CD247: variants seen among roughly 807,000 people sequenced by gnomAD.
CD247 encodes the protein T-cell surface glycoprotein CD3 zeta chain.
In CD247, 13 loss-of-function variants were observed where a neutral mutation model predicts 30.0. The ratio of observed to expected loss-of-function variants is 0.43; its 90% CI spans 0.28 to 0.69. The LOEUF (loss-of-function observed/expected upper bound fraction) is 0.69. Among genes scored for constraint, CD247 ranks in the 30% least tolerant of loss-of-function variants. CD247 has a pLI of 0.16. For missense variants in CD247, 193 were observed against 212.6 expected (o/e 0.91, Z 0.57); for synonymous variants, 72 against 80.0 (o/e 0.90, Z 0.53).
intron 1 of CD247, chr1:167,458,689 C>CTTTTTTTTTTTTTTTTT (rs3070395): frequency 1.4e-4 from 13 of 95,428 alleles, no homozygotes; most frequent in East Asian, 2.7e-4. Flanking sequence ...TTCTTTCTTT[C>CTTTTTTTTTTTTTTTTT]TTTTTTTTTT....
intron 2 of CD247, 40 bp downstream of exon 2, chr1:167,440,624 G>T: frequency 7.2e-7 from 1 of 1,380,714 alleles, no homozygotes; most frequent in South Asian, 1.2e-5. Context: ...CATCAAGTGG[G>T]GGACCCCGTG....
At chr1:167,452,554 C>T (rs1243255341) in intron 1 of CD247, among the ~76,000 whole-genome samples, 1 of 152,144 alleles carries the variant, frequency 6.6e-6, no homozygotes, top group Admixed American at 6.5e-5. Flanking sequence ...TGGTGGCCAT[C>T]CTTACTAGGA....
intron 1 of CD247, among the ~76,000 whole-genome samples, chr1:167,515,131 AGGCGATTGGAG>A (rs896428067): frequency 5.3e-5 from 8 of 152,242 alleles, no homozygotes; most frequent in African/African-American, 1.9e-4. Context: ...GAGCAGAGCT[AGGCGATTGGAG>A]GGCGAAACAA....
chr1:167,518,223 G>A (rs1379212946), intron 1 of CD247, among the ~76,000 whole-genome samples, 185 bp downstream of exon 1: 2 of 152,026 alleles, frequency 1.3e-5, no homozygotes, highest in African/African-American at 4.8e-5. Context: ...TGCCCAACTC[G>A]GCTGTGACGG....
rs147842663 is a variant in CD247, at chr1:167,446,549, A to T, written c.59-5782T>A. Among the ~76,000 whole-genome samples, 773 of 152,298 alleles carry T rather than the reference A, an allele frequency of 5.1e-3. 6 individuals are homozygous for T. Among genetic ancestry groups the T allele is most frequent in the African/African-American group, 0.017 (720 of 41,564 alleles). ...TGTGGGGTGCCCTGCACAGTGGCGC[A>T]TGCTAAGAGGCTCTGCAGGTACAAG... On this transcript the variant is annotated intron_variant, in intron 1 of 7. Transcript: ENST00000362089.
At chr1:167,466,444 A>G (rs993928653) in intron 1 of CD247, among the ~76,000 whole-genome samples, 4 of 151,968 alleles carry the variant, frequency 2.6e-5, no homozygotes, top group Non-Finnish European at 5.9e-5. Flanking sequence ...ATTTAGAACT[A>G]ATGTTGTTGG....
chr1:167,472,904 C>G (rs766079428), intron 1 of CD247, among the ~76,000 whole-genome samples: 1 of 152,112 alleles, frequency 6.6e-6, no homozygotes, highest in Non-Finnish European at 1.5e-5. Context: ...TGTGTCCACA[C>G]CTGTGTTGCC....
chr1:167,438,190 G>C (rs538734901), intron 4 of CD247, among the ~76,000 whole-genome samples: 1 of 152,118 alleles, frequency 6.6e-6, no homozygotes, highest in African/African-American at 2.4e-5. Flanking sequence ...ACCATACCCC[G>C]ACCATATGTG....
intron 1 of CD247, among the ~76,000 whole-genome samples, chr1:167,484,095 G>C (rs944279944): frequency 1.3e-5 from 2 of 152,238 alleles, no homozygotes; most frequent in Non-Finnish European, 2.9e-5. Flanking sequence ...GCAGAGTGGA[G>C]AATACAAAAT....
chr1:167,437,190 GTCGAAAGT>G (rs1651586090), intron 4 of CD247, among the ~76,000 whole-genome samples: 3 of 152,034 alleles, frequency 2.0e-5, no homozygotes, highest in African/African-American at 7.2e-5. Flanking sequence ...ATCACTTGAG[GTCGAAAGT>G]TCGAGACCAG....
rs367579572 is a variant in CD247, at chr1:167,511,742, G to A, written c.58+6666C>T. Among the ~76,000 whole-genome samples, 8 of 152,238 alleles carry A rather than the reference G, an allele frequency of 5.3e-5. No individual in the cohort carries two copies. The East Asian group carries it at 7.7e-4, about 15-fold the overall frequency. ...TATATGATGGTGTACGGACCTGGGC[G>A]AGCGGCTGCACACTGTTCAAGGTGC... On this transcript the variant is annotated intron_variant, in intron 1 of 7. Transcript: ENST00000362089.
At chr1:167,439,741 C>T (rs889489539) in intron 2 of CD247, 1 of 347,884 alleles carries the variant, frequency 2.9e-6, no homozygotes, top group Non-Finnish European at 5.4e-6. Flanking sequence ...TCTCTAGGAT[C>T]CCTTCCTCCG....
intron 1 of CD247, among the ~76,000 whole-genome samples, chr1:167,482,458 T>C (rs925840527): frequency 2.4e-4 from 36 of 152,326 alleles, no homozygotes; most frequent in African/African-American, 8.4e-4. Context: ...GGAGTGAACG[T>C]CTTTCCTCTC....
intron 1 of CD247, among the ~76,000 whole-genome samples, chr1:167,449,549 T>C (rs1652257916): frequency 6.6e-6 from 1 of 152,230 alleles, no homozygotes; most frequent in African/African-American, 2.4e-5. Context: ...AATACCACTT[T>C]CAAACACAGC....
intron 1 of CD247, among the ~76,000 whole-genome samples, chr1:167,501,351 GC>G (rs1654900295): frequency 6.6e-6 from 1 of 152,200 alleles, no homozygotes. Flanking sequence ...AAGCCACTGC[GC>G]CCGGCCTCCT....
intron 1 of CD247, among the ~76,000 whole-genome samples, chr1:167,501,273 G>T (rs858540): frequency 6.6e-6 from 1 of 151,752 alleles, no homozygotes; most frequent in South Asian, 2.1e-4. Context: ...TGGCCAGGCT[G>T]ATCTCAAACT....
intron 1 of CD247, among the ~76,000 whole-genome samples, chr1:167,503,967 C>T (rs1265802844): frequency 1.3e-5 from 2 of 152,176 alleles, no homozygotes; most frequent in African/African-American, 4.8e-5. Flanking sequence ...CAGATCTTCC[C>T]TTTGCTAATT....
chr1:167,506,463 T>C lies in CD247; in HGVS notation c.58+11945A>G, dbSNP rs1478769590. On this transcript the variant is annotated intron_variant, in intron 1 of 7. Coordinates refer to ENST00000362089, the MANE Select transcript of CD247 (RefSeq NM_198053.3). ...CCCAGGCTCAAGCATTTCTCCCACCTCAACCTCCCAAATAGCTGAGACTAC... is the reference window on the plus strand; with the variant it reads ...CCCAGGCTCAAGCATTTCTCCCACCCCAACCTCCCAAATAGCTGAGACTAC... Among the ~76,000 whole-genome samples, 3 of 149,294 alleles carry C rather than the reference T, an allele frequency of 2.0e-5. No individual in the cohort carries two copies. In the East Asian group the frequency reaches 6.2e-4, roughly 31 times the overall value.
intron 1 of CD247, among the ~76,000 whole-genome samples, chr1:167,491,833 T>C (rs569430710): frequency 4.6e-5 from 7 of 152,178 alleles, no homozygotes; most frequent in Non-Finnish European, 7.3e-5. Context: ...TGGATGAAAG[T>C]TGAGGGCATT....
Sources: gnomAD v4.1 joint callset for allele counts (sites outside exome capture counted in the v4.1 genomes callset) on GRCh38, gnomAD v4.1.1 for gene constraint, MANE v1.5 for transcripts, NCBI Gene and HGNC (gene_info 2026-07-23, HGNC 2026-07-21) for gene names.